The following UPP2 variants were observed in gnomAD, a reference collection of about 807,000 sequenced individuals.
UPP2 encodes UPase 2.
A neutral mutation model predicts 26.7 loss-of-function variants in UPP2; 23 were observed. That is an observed-to-expected ratio of 0.86 (90% CI 0.62 to 1.22). The LOEUF (loss-of-function observed/expected upper bound fraction) is 1.22, where lower values mean the gene tolerates loss of function less well. UPP2 is among the 50% of genes most tolerant of loss of function. The pLI is 0.00. For missense variants in UPP2, 387 were observed against 396.7 expected, an observed-to-expected ratio of 0.98 and a Z score of 0.21; for synonymous variants, 127 against 141.3, an observed-to-expected ratio of 0.90 and a Z score of 0.72.
intron 3 of UPP2, among the ~76,000 whole-genome samples, chr2:158,023,240 CA>C (rs1683783849): frequency 9.6e-6 from 1 of 103,930 alleles, no homozygotes; most frequent in African/African-American, 3.0e-5. Flanking sequence ...TGGGGGGGGG[CA>C]TTTGGAAGGC....
At chr2:158,019,682 AC>A (rs1683718072) in intron 3 of UPP2, among the ~76,000 whole-genome samples, 2 of 141,780 alleles carry the variant, frequency 1.4e-5, no homozygotes, top group East Asian at 2.0e-4. Context: ...ACACACACAC[AC>A]ACACAAGAAA....
intron 3 of UPP2, among the ~76,000 whole-genome samples, chr2:158,066,247 T>A (rs1054011049): frequency 6.6e-6 from 1 of 152,222 alleles, no homozygotes; most frequent in Admixed American, 6.5e-5. Context: ...GTGTTTGGGT[T>A]ACAGTCAACC....
chr2:157,998,518 G>C (rs547045357), intron 2 of UPP2, among the ~76,000 whole-genome samples: 1 of 152,000 alleles, frequency 6.6e-6, no homozygotes, highest in Non-Finnish European at 1.5e-5. Context: ...AACATTTATT[G>C]AGGCCAGGCA....
At chr2:158,082,423 T>C (rs1682742003) in intron 3 of UPP2, among the ~76,000 whole-genome samples, 1 of 152,196 alleles carries the variant, frequency 6.6e-6, no homozygotes, top group Admixed American at 6.5e-5. Context: ...CCTTATAGCT[T>C]AGCTTCCACT....
At chr2:158,044,591 T>A (rs1574260745) in intron 3 of UPP2, among the ~76,000 whole-genome samples, 1 of 152,118 alleles carries the variant, frequency 6.6e-6, no homozygotes, top group African/African-American at 2.4e-5. Flanking sequence ...TTAGTGACAC[T>A]CGTGTGCACA....
chr2:158,099,021 C>T (rs1417570038), upstream of UPP2, among the ~76,000 whole-genome samples: 1 of 152,074 alleles, frequency 6.6e-6, no homozygotes, highest in South Asian at 2.1e-4. Context: ...ATCAAAAGAT[C>T]TTTAATTAGT....
At chr2:158,124,850 A>G (rs997726102) in intron 6 of UPP2, among the ~76,000 whole-genome samples, 2 of 152,186 alleles carry the variant, frequency 1.3e-5, no homozygotes, top group Admixed American at 1.3e-4. Flanking sequence ...GGGTGAAGAC[A>G]TTAGGGTAGT....
At position 158,074,274 on chromosome 2, in the gene UPP2, A is replaced by C. The variant is rs368633426; in HGVS notation, c.148-27766A>C. On this transcript the variant is annotated intron_variant, in intron 3 of 9. Transcript: ENST00000605860. The stretch of plus-strand genomic sequence containing the variant: ...TAGCAAGCACACAGAAAAGCACAGA[A>C]TATTATAAAACTGTAATTGTGATGT... 3.9e-5 allele frequency among the ~76,000 whole-genome samples: 6 copies of C among 152,342 alleles called. No individual in the cohort carries two copies. In the East Asian group the frequency reaches 1.2e-3, roughly 29 times the overall value.
chr2:158,015,790 A>G, intron 2 of UPP2: 1 of 453,578 alleles, frequency 2.2e-6, no homozygotes, highest in South Asian at 1.6e-5. Flanking sequence ...CTCCTGCTCC[A>G]CCATGGTAAG....
At chr2:158,051,157 A>ATGTGTGTG (rs57745839) in intron 3 of UPP2, among the ~76,000 whole-genome samples, 14,105 of 144,708 alleles carry the variant, frequency 0.097, 728 homozygotes, top group East Asian at 0.16. Flanking sequence ...CTCTAGGAAT[A>ATGTGTGTG]TGTGTGTGTG....
At position 158,084,909 on chromosome 2, in the gene UPP2, G is replaced by C. The variant is rs1392104764; in HGVS notation, c.148-17131G>C. On this transcript the variant is annotated intron_variant, in intron 3 of 9. Coordinates refer to the UPP2 transcript ENST00000605860. ...TTGGTGACTATGGCCTTATAATATAGTTTGAAGTTGGGTAATGTGATGCCT... is the reference window on the plus strand; with the variant it reads ...TTGGTGACTATGGCCTTATAATATACTTTGAAGTTGGGTAATGTGATGCCT... Among the ~76,000 whole-genome samples the C allele has an allele frequency of 2.0e-5, 3 of 152,090 alleles. No individual in the cohort carries two copies. The East Asian group carries it at 5.8e-4, about 29-fold the overall frequency.
chr2:158,013,378 C>T (rs1034359737), intron 2 of UPP2, among the ~76,000 whole-genome samples: 1 of 152,192 alleles, frequency 6.6e-6, no homozygotes, highest in Non-Finnish European at 1.5e-5. Flanking sequence ...ACTCTTACAG[C>T]TTTAGGCATA....
chr2:158,106,042 T>C (rs1322082635), intron 1 of UPP2, 57 bp from the exon 2 acceptor site: 2 of 1,323,706 alleles, frequency 1.5e-6, no homozygotes, highest in African/African-American at 3.0e-5. Context: ...ACTTTCTTTC[T>C]TGTGAGCTTT....
At chr2:158,133,178 T>C (rs1053160638) in intron 6 of UPP2, among the ~76,000 whole-genome samples, 2 of 152,226 alleles carry the variant, frequency 1.3e-5, no homozygotes, top group African/African-American at 4.8e-5. Flanking sequence ...AATGAAATAC[T>C]ACTTAGCCTT....
chr2:158,121,307 C>A, intron 4 of UPP2, 102 bp from the exon 5 acceptor site: 1 of 1,000,986 alleles, frequency 1.0e-6, no homozygotes, highest in Non-Finnish European at 1.5e-6. Flanking sequence ...AACAGGGAGA[C>A]TCATTAGCAG....
chr2:158,126,015 A>G (rs1683686315), intron 6 of UPP2, among the ~76,000 whole-genome samples: 1 of 152,222 alleles, frequency 6.6e-6, no homozygotes, highest in Admixed American at 6.5e-5. Context: ...TGCCTTCATG[A>G]AAACCGGGTG....
At chr2:158,002,470 G>T (rs920513134) in intron 2 of UPP2, among the ~76,000 whole-genome samples, 1 of 152,218 alleles carries the variant, frequency 6.6e-6, no homozygotes, top group African/African-American at 2.4e-5. Flanking sequence ...AAACACCTTG[G>T]AAGCCACTTA....
intron 3 of UPP2, among the ~76,000 whole-genome samples, chr2:158,076,213 T>C (rs1029687703): frequency 1.1e-4 from 16 of 152,056 alleles, no homozygotes; most frequent in African/African-American, 3.6e-4. Context: ...CAGGACCCGA[T>C]GGCTTCACTG....
rs58673497 is a variant in UPP2, at chr2:158,040,475, T to C, written c.147+24589T>C. Among the ~76,000 whole-genome samples the C allele has an allele frequency of 3.4e-3, 522 of 152,318 alleles. 1 individual carries two copies. Among genetic ancestry groups the C allele is most frequent in the African/African-American group, 0.012 (482 of 41,574 alleles). ...CTATGCTAGGCTTAAATGTGCTGGA[T>C]AAATTTAGGTTTTCAACATCTGAGT... On this transcript the variant is annotated intron_variant, in intron 3 of 9. Coordinates refer to the UPP2 transcript ENST00000605860.
Sources: gnomAD v4.1 joint callset for allele counts (sites outside exome capture counted in the v4.1 genomes callset) on GRCh38, gnomAD v4.1.1 for gene constraint, MANE v1.5 for transcripts, NCBI Gene and HGNC (gene_info 2026-07-23, HGNC 2026-07-21) for gene names.